RBBP5: variants seen among roughly 807,000 people sequenced by gnomAD.
RBBP5 encodes retinoblastoma-binding protein 5.
RBBP5 carries 5 observed loss-of-function variants against 72.2 expected under a neutral mutation model. The observed-to-expected ratio is 0.07, with a 90% CI of 0.04 to 0.15. RBBP5 has a LOEUF of 0.15. Among genes scored for constraint, RBBP5 ranks in the 10% least tolerant of loss-of-function variants. The probability of loss-of-function intolerance (pLI) is 1.00; values close to 1 mark genes in which losing one functional copy is unlikely to be tolerated. For missense variants in RBBP5, 322 were observed against 652.2 expected (o/e 0.49, Z 5.51); for synonymous variants, 209 against 237.2 (o/e 0.88, Z 1.09).
chr1:205,090,224 C>T (rs1558568536), intron 13 of RBBP5, among the ~76,000 whole-genome samples: 1 of 152,212 alleles, frequency 6.6e-6, no homozygotes, highest in African/African-American at 2.4e-5. Flanking sequence ...TGCCTTACCA[C>T]TTTAAGGCAA....
At chr1:205,093,805 G>T (rs1337571288) in intron 13 of RBBP5, among the ~76,000 whole-genome samples, 2 of 151,906 alleles carry the variant, frequency 1.3e-5, no homozygotes, top group Non-Finnish European at 2.9e-5. Flanking sequence ...TACAGACAAT[G>T]ATTAAATGAT....
intron 3 of RBBP5, among the ~76,000 whole-genome samples, chr1:205,105,978 C>A (rs942188002): frequency 1.3e-5 from 2 of 152,238 alleles, no homozygotes; most frequent in African/African-American, 4.8e-5. Context: ...TATAACAAGG[C>A]ACCCTCCCCA....
chr1:205,114,314 C>T (rs930439950), intron 3 of RBBP5, among the ~76,000 whole-genome samples: 3 of 152,118 alleles, frequency 2.0e-5, no homozygotes, highest in Admixed American at 2.0e-4. Flanking sequence ...AGAGTGAAAT[C>T]AATGGGAATT....
chr1:205,118,695 T>G (rs1231647741), intron 1 of RBBP5, among the ~76,000 whole-genome samples: 1 of 152,140 alleles, frequency 6.6e-6, no homozygotes, highest in African/African-American at 2.4e-5. Flanking sequence ...TTAAATATAA[T>G]TCTGAGAAAC....
chr1:205,096,619 T>C, intron 12 of RBBP5, 63 bp downstream of exon 12: 1 of 1,443,872 alleles, frequency 6.9e-7, no homozygotes, highest in Non-Finnish European at 9.5e-7. Flanking sequence ...ATTACCAGGT[T>C]GCGCTGGGGA....
chr1:205,113,191 A>G (rs778889516), intron 3 of RBBP5, among the ~76,000 whole-genome samples: 6 of 152,140 alleles, frequency 3.9e-5, no homozygotes, highest in Admixed American at 1.3e-4. Flanking sequence ...AGAAAATACT[A>G]GTTATCTCTA....
At chr1:205,105,821 C>A (rs1574705274) in intron 3 of RBBP5, among the ~76,000 whole-genome samples, 1 of 152,288 alleles carries the variant, frequency 6.6e-6, no homozygotes, top group Admixed American at 6.5e-5. Flanking sequence ...CCAAGAAGAG[C>A]TAAGGGACCA....
chr1:205,110,318 C>A (rs962069281), intron 3 of RBBP5, among the ~76,000 whole-genome samples: 3 of 152,160 alleles, frequency 2.0e-5, no homozygotes, highest in Non-Finnish European at 2.9e-5. Context: ...CCGTGCCCAG[C>A]CAGTACCTAC....
intron 13 of RBBP5, among the ~76,000 whole-genome samples, chr1:205,089,972 C>G (rs191779245): frequency 6.6e-6 from 1 of 152,308 alleles, no homozygotes; most frequent in Admixed American, 6.5e-5. Context: ...CTGCCTCAAC[C>G]TCCTAAGTAG....
chr1:205,115,942 A>G, intron 1 of RBBP5, 59 bp from the exon 2 acceptor site: 3 of 1,613,952 alleles, frequency 1.9e-6, no homozygotes, highest in South Asian at 2.2e-5. Context: ...GGATCATACA[A>G]CTCACGAACA....
chr1:205,091,349 T>C (rs923741620), intron 13 of RBBP5: 7 of 152,334 alleles, frequency 4.6e-5, no homozygotes, highest in Non-Finnish European at 8.8e-5. Context: ...TAAGAAGCAT[T>C]TGATAGATAG....
chr1:205,093,929 C>T (rs537958272), intron 13 of RBBP5, among the ~76,000 whole-genome samples: 184 of 152,232 alleles, frequency 1.2e-3, no homozygotes, highest in Non-Finnish European at 2.3e-3. Flanking sequence ...ATCAATCCTA[C>T]CTTTGAGTCT....
intron 4 of RBBP5, among the ~76,000 whole-genome samples, chr1:205,104,720 A>G (rs946384128): frequency 1.3e-5 from 2 of 152,082 alleles, no homozygotes; most frequent in Non-Finnish European, 2.9e-5. Flanking sequence ...ACGCACCTGC[A>G]GTCCCAGCTA....
At chr1:205,092,314 A>C (rs1398267128) in intron 13 of RBBP5, among the ~76,000 whole-genome samples, 1 of 152,026 alleles carries the variant, frequency 6.6e-6, no homozygotes, top group African/African-American at 2.4e-5. Flanking sequence ...TTGTTTTTTA[A>C]TTATTTTTTT....
intron 3 of RBBP5, among the ~76,000 whole-genome samples, chr1:205,111,917 G>A (rs753199111): frequency 1.9e-4 from 29 of 152,082 alleles, no homozygotes; most frequent in Non-Finnish European, 3.1e-4. Flanking sequence ...GATACCTGTA[G>A]TTCCCCATTG....
intron 1 of RBBP5, chr1:205,116,129 G>C (rs1048191379): frequency 1.5e-6 from 1 of 647,108 alleles, no homozygotes; most frequent in South Asian, 2.2e-5. Flanking sequence ...AACAGAGTGA[G>C]GGCAGAAGCA....
intron 13 of RBBP5, among the ~76,000 whole-genome samples, chr1:205,094,447 C>T (rs963546501): frequency 2.2e-4 from 34 of 152,156 alleles, no homozygotes; most frequent in Admixed American, 1.6e-3. Context: ...ATAAAACAAG[C>T]TTGTACTTCT....
chr1:205,088,524 T>C lies in RBBP5; in HGVS notation c.*263A>G. On this transcript the variant is annotated 3_prime_UTR_variant, in exon 14 of 14. Coordinates refer to ENST00000264515, the MANE Select transcript of RBBP5 (RefSeq NM_005057.4). ...ACATAACTAAGCATCAAAGTTTAAA[T>C]GAGTCAAAATTCCTATCTGATGTCT... 1 of 454,596 alleles carries C rather than the reference T, an allele frequency of 2.2e-6. No individual in the cohort carries two copies. The allele number at this position is 454,596 out of a possible 1,614,324, so 28.2% of individuals were successfully genotyped here.
intron 2 of RBBP5, 63 bp downstream of exon 2, chr1:205,115,795 G>T: frequency 6.8e-7 from 1 of 1,475,522 alleles, no homozygotes; most frequent in Non-Finnish European, 9.0e-7. Context: ...AGTATTTTCT[G>T]TTCTAACATA....
Sources: gnomAD v4.1 joint callset for allele counts (sites outside exome capture counted in the v4.1 genomes callset) on GRCh38, gnomAD v4.1.1 for gene constraint, MANE v1.5 for transcripts, NCBI Gene and HGNC (gene_info 2026-07-23, HGNC 2026-07-21) for gene names.